The following RAP1GAP2 variants were observed in gnomAD, a reference collection of about 807,000 sequenced individuals.
The protein encoded by RAP1GAP2 is rap1 GTPase-activating protein 2.
A neutral mutation model predicts 95.0 loss-of-function variants in RAP1GAP2; 27 were observed. The observed-to-expected ratio is 0.28, with a 90% confidence interval of 0.21 to 0.39. RAP1GAP2 has a LOEUF of 0.39. Ranked by LOEUF, RAP1GAP2 falls within the 10% of genes least tolerant of loss-of-function variation. RAP1GAP2 has a pLI of 1.00. For missense variants in RAP1GAP2, 771 were observed against 970.0 expected (o/e 0.79, Z 2.72); for synonymous variants, 373 against 380.9 (o/e 0.98, Z 0.24).
intron 8 of RAP1GAP2, among the ~76,000 whole-genome samples, chr17:2,977,209 G>A (rs533414406): frequency 7.9e-5 from 12 of 151,904 alleles, no homozygotes; most frequent in Non-Finnish European, 1.8e-4. Flanking sequence ...AAACAAAGAT[G>A]AAGTCTTCAG....
upstream of RAP1GAP2, among the ~76,000 whole-genome samples, chr17:2,795,602 G>A (rs2069053587): frequency 6.6e-6 from 1 of 152,210 alleles, no homozygotes; most frequent in African/African-American, 2.4e-5. Context: ...GGGGGTGGGG[G>A]GCGGCTGACA....
At position 2,867,705 on chromosome 17, in the gene RAP1GAP2, G is replaced by A. The variant is rs2072673159; in HGVS notation, c.81-37579G>A. On this transcript the variant is annotated intron_variant, in intron 2 of 24. Transcript: ENST00000254695. The surrounding 1 kb of genome is among the most constrained non-coding windows in gnomAD (Gnocchi z 4.5). ...GTATAGGAGGGATGGGTCACCTAAGGAAACCTGGCATGTTGCTCTCAGAAG... is the reference window on the plus strand; with the variant it reads ...GTATAGGAGGGATGGGTCACCTAAGAAAACCTGGCATGTTGCTCTCAGAAG... Among the ~76,000 whole-genome samples, 1 of 152,136 alleles carries A rather than the reference G, an allele frequency of 6.6e-6. No individual in the cohort carries two copies. Among genetic ancestry groups the A allele is most frequent in the Admixed American group, 6.6e-5 (1 of 15,262 alleles).
At chr17:2,932,602 A>G (rs1312442236) in intron 3 of RAP1GAP2, among the ~76,000 whole-genome samples, 2 of 149,450 alleles carry the variant, frequency 1.3e-5, no homozygotes, top group Non-Finnish European at 3.0e-5. Context: ...AAAAAAAAAA[A>G]AAGAGGAGCT....
intron 2 of RAP1GAP2, among the ~76,000 whole-genome samples, chr17:2,806,157 A>T (rs1045527678): frequency 1.3e-5 from 2 of 152,084 alleles, no homozygotes; most frequent in East Asian, 3.9e-4. Flanking sequence ...TGGCCAGAAG[A>T]TACCACACAG....
intron 3 of RAP1GAP2, among the ~76,000 whole-genome samples, chr17:2,915,059 G>A (rs1009132815): frequency 2.0e-5 from 3 of 151,856 alleles, no homozygotes; most frequent in African/African-American, 7.3e-5. Context: ...CAAAGTGCTG[G>A]GATTACAGAC....
At chr17:3,009,561 C>T (rs1198148194) in intron 17 of RAP1GAP2, among the ~76,000 whole-genome samples, 1 of 152,218 alleles carries the variant, frequency 6.6e-6, no homozygotes, top group African/African-American at 2.4e-5. Context: ...TAAGATTCCA[C>T]CCGCACTAGC....
chr17:2,853,248 AGCCGGGGCGGGC>A (rs2071958076), intron 2 of RAP1GAP2, among the ~76,000 whole-genome samples: 1 of 151,342 alleles, frequency 6.6e-6, no homozygotes, highest in Non-Finnish European at 1.5e-5. Flanking sequence ...GGGAGCTGCG[AGCCGGGGCGGGC>A]GCCGGGCTCA....
chr17:2,811,567 G>T (rs1049205166), intron 2 of RAP1GAP2, among the ~76,000 whole-genome samples: 9 of 151,938 alleles, frequency 5.9e-5, no homozygotes, highest in Admixed American at 5.9e-4. Context: ...GTTTCTTTGT[G>T]TGTGTATTTT....
chr17:2,937,506 C>T (rs954933233), intron 3 of RAP1GAP2, among the ~76,000 whole-genome samples: 4 of 152,060 alleles, frequency 2.6e-5, no homozygotes, highest in Non-Finnish European at 2.9e-5. Flanking sequence ...TTCACTGGCT[C>T]TGAGTAGGAG....
At chr17:2,962,512 G>A in intron 4 of RAP1GAP2, 158 bp from the exon 5 acceptor site, 1 of 710,742 alleles carries the variant, frequency 1.4e-6, no homozygotes, top group South Asian at 2.0e-5. Flanking sequence ...GCTGCTGTGA[G>A]GCCCGCCCCT....
chr17:2,920,604 A>G (rs2042729705), intron 3 of RAP1GAP2, among the ~76,000 whole-genome samples: 1 of 152,212 alleles, frequency 6.6e-6, no homozygotes, highest in Admixed American at 6.5e-5. Context: ...TTCCTCATTT[A>G]TAGAACGGAG....
intron 1 of RAP1GAP2, among the ~76,000 whole-genome samples, chr17:2,787,112 G>C (rs879514747): frequency 5.3e-5 from 8 of 151,626 alleles, no homozygotes; most frequent in Non-Finnish European, 1.2e-4. Context: ...CACCATACCT[G>C]GCTAGTTTTG....
chr17:2,832,557 C>CAAAAA (rs35663343), intron 2 of RAP1GAP2, among the ~76,000 whole-genome samples: 1 of 76,748 alleles, frequency 1.3e-5, no homozygotes, highest in Admixed American at 1.6e-4. Flanking sequence ...GACTCCATCT[C>CAAAAA]AAAAAAAAAA....
At chr17:2,810,519 A>AT (rs2069720342) in intron 2 of RAP1GAP2, among the ~76,000 whole-genome samples, 1 of 56,068 alleles carries the variant, frequency 1.8e-5, no homozygotes, top group South Asian at 5.5e-4. Context: ...CTGTCCCCCC[A>AT]CCCTTTTTTT....
At chr17:2,781,548 C>G (rs529196928) in intron 1 of RAP1GAP2, among the ~76,000 whole-genome samples, 32 of 151,848 alleles carry the variant, frequency 2.1e-4, no homozygotes, top group Non-Finnish European at 4.0e-4. Flanking sequence ...GAGCACGTCT[C>G]TGTGTGTGCA....
Position 2,973,632 on chromosome 17 carries a change from T to C in RAP1GAP2, c.597-6655T>C, listed in dbSNP as rs370735207. On this transcript the variant is annotated intron_variant, in intron 8 of 24. Transcript: ENST00000254695. Reference sequence around the variant, plus strand: ...AATAATGAATTTATGAATTGGAAGATAGACCCAAGGAATTCCTCCAGAACA... The same window carrying C: ...AATAATGAATTTATGAATTGGAAGACAGACCCAAGGAATTCCTCCAGAACA... 1.7e-4 allele frequency among the ~76,000 whole-genome samples: 26 copies of C among 152,268 alleles called. No individual in the cohort carries two copies. The East Asian group carries it at 2.1e-3, about 12-fold the overall frequency.
At position 3,003,246 on chromosome 17, in the gene RAP1GAP2, G is replaced by A. The variant is rs181366160; in HGVS notation, c.1201-2123G>A. 2.0e-5 allele frequency among the ~76,000 whole-genome samples: 3 copies of A among 152,224 alleles called. No individual in the cohort carries two copies. Among genetic ancestry groups the A allele is most frequent in the Admixed American group, 1.3e-4 (2 of 15,286 alleles). ...AGCCATCAGAGCAGGCGAGAAATTG[G>A]CTCCACGGAGTCGGGTGTGCACGAA... On this transcript the variant is annotated intron_variant, in intron 14 of 24. Transcript: ENST00000254695. The surrounding 1 kb of genome is among the most constrained non-coding windows in gnomAD (Gnocchi z 4.1).
intron 2 of RAP1GAP2, among the ~76,000 whole-genome samples, chr17:2,879,701 G>A (rs1299668539): frequency 1.3e-5 from 2 of 149,792 alleles, no homozygotes; most frequent in Non-Finnish European, 3.0e-5. Context: ...ACTCCAGCCT[G>A]GGCGACAGGG....
chr17:2,824,074 G>C (rs2070428712), intron 2 of RAP1GAP2, among the ~76,000 whole-genome samples: 1 of 144,406 alleles, frequency 6.9e-6, no homozygotes, highest in East Asian at 2.1e-4. Flanking sequence ...AGTGAGCTGA[G>C]ATTGTGCCAC....
Sources: allele counts gnomAD v4.1 joint callset (sites outside exome capture counted in the v4.1 genomes callset), GRCh38; gene constraint gnomAD v4.1.1; non-coding constraint Gnocchi (gnomAD v3.1); transcripts MANE v1.5; gene names NCBI Gene and HGNC (gene_info 2026-07-23, HGNC 2026-07-21).